Variants in SLC25A48 observed in about 807,000 individuals in gnomAD.
The protein encoded by SLC25A48 is CTC-321K16.1.
In SLC25A48, 29 loss-of-function variants were observed where a neutral mutation model predicts 32.2. That is an observed-to-expected ratio of 0.90 (90% CI 0.67 to 1.23). SLC25A48 has a LOEUF of 1.23. Among genes scored for constraint, SLC25A48 ranks in the 50% most tolerant of loss-of-function variants. The probability of loss-of-function intolerance (pLI) is 0.00; values close to 1 mark genes in which losing one functional copy is unlikely to be tolerated. For synonymous variants in SLC25A48, 164 were observed against 172.3 expected (o/e 0.95, Z 0.38); for missense variants, 399 against 422.7 (o/e 0.94, Z 0.49).
intron 4 of SLC25A48, among the ~76,000 whole-genome samples, chr5:135,856,191 C>G (rs1421784577): frequency 6.6e-6 from 1 of 152,178 alleles, no homozygotes; most frequent in East Asian, 1.9e-4. Context: ...TCCTGAGGCT[C>G]ATGCTCCTTT....
rs192033927 is a variant in SLC25A48 at position 135,777,843 on chromosome 5, G to A, written c.-520-34680G>A. On this transcript the variant is annotated intron_variant, in intron 3 of 10. Transcript: ENST00000646290. ...ATTGCAGGGGCTGTACACCCACACT[G>A]TGATATTGTTCCTAATGCTTAAGGA... Among the ~76,000 whole-genome samples, 13 of 150,894 alleles carry A rather than the reference G, an allele frequency of 8.6e-5. No individual in the cohort carries two copies. In the East Asian group the frequency reaches 2.6e-3, roughly 30 times the overall value.
chr5:135,662,330 A>G (rs1290160637), intron 3 of SLC25A48, among the ~76,000 whole-genome samples: 1 of 152,050 alleles, frequency 6.6e-6, no homozygotes, highest in Non-Finnish European at 1.5e-5. Context: ...AGCAGTATTT[A>G]TTTGTTTAAC....
intron 3 of SLC25A48, among the ~76,000 whole-genome samples, chr5:135,707,982 G>T (rs955707226): frequency 6.6e-6 from 1 of 152,130 alleles, no homozygotes; most frequent in Non-Finnish European, 1.5e-5. Context: ...GCTAGTTGAG[G>T]CCTCAGTGCC....
intron 3 of SLC25A48, among the ~76,000 whole-genome samples, chr5:135,790,539 TAA>T (rs1184999007): frequency 7.0e-6 from 1 of 143,456 alleles, no homozygotes; most frequent in African/African-American, 2.7e-5. Context: ...ATACTAACTG[TAA>T]TTTCCTAGGG....
At chr5:135,862,583 A>G (rs574918469) in intron 4 of SLC25A48, among the ~76,000 whole-genome samples, 37 of 152,320 alleles carry the variant, frequency 2.4e-4, no homozygotes, top group African/African-American at 8.4e-4. Context: ...GTGTGCTTCA[A>G]TGAGAAAGGC....
chr5:135,816,754 C>T (rs1757729733), intron 4 of SLC25A48, among the ~76,000 whole-genome samples: 1 of 152,026 alleles, frequency 6.6e-6, no homozygotes, highest in South Asian at 2.1e-4. Flanking sequence ...AATAAGAAAC[C>T]ACTATTTAAA....
chr5:135,692,996 A>G (rs943523842), intron 3 of SLC25A48, among the ~76,000 whole-genome samples: 1 of 152,216 alleles, frequency 6.6e-6, no homozygotes, highest in Non-Finnish European at 1.5e-5. Flanking sequence ...AGTTAAGATC[A>G]AATTAAATGC....
At chr5:135,760,891 A>C (rs989833326) in intron 3 of SLC25A48, among the ~76,000 whole-genome samples, 2 of 152,184 alleles carry the variant, frequency 1.3e-5, no homozygotes, top group African/African-American at 4.8e-5. Flanking sequence ...AAAAATAAGA[A>C]CCTATGTCAA....
upstream of SLC25A48, chr5:135,834,561 C>G (rs1758336877): frequency 4.4e-6 from 2 of 453,660 alleles, no homozygotes; most frequent in Non-Finnish European, 7.8e-6. Flanking sequence ...ATGACCCTTG[C>G]CTCTTTGTGT....
chr5:135,657,808 C>T (rs188221208), intron 3 of SLC25A48, among the ~76,000 whole-genome samples: 1 of 152,314 alleles, frequency 6.6e-6, no homozygotes, highest in African/African-American at 2.4e-5. Flanking sequence ...ATGAACTGAC[C>T]TCCAGGGACT....
At chr5:135,851,475 G>A (rs747084585) in intron 3 of SLC25A48, among the ~76,000 whole-genome samples, 3 of 152,210 alleles carry the variant, frequency 2.0e-5, no homozygotes, top group Non-Finnish European at 4.4e-5. Flanking sequence ...GACTGCGGGC[G>A]GTTTCTCTGA....
chr5:135,781,049 G>A lies in SLC25A48; in HGVS notation c.-520-31474G>A, dbSNP rs78631970. On this transcript the variant is annotated intron_variant, in intron 3 of 10. Transcript: ENST00000646290. ...TGATGATTCTACTTCCAATATTGCA[G>A]GGGGCGTACACCACCTCTGATATTG... Among the ~76,000 whole-genome samples, 255 of 116,114 alleles carry A rather than the reference G, an allele frequency of 2.2e-3. 51 individuals are homozygous for A. In the East Asian group the frequency reaches 0.051, roughly 23 times the overall value. 76.2% of individuals were successfully genotyped at this position (116,114 alleles called of 152,430 possible).
At chr5:135,612,907 A>G (rs1752105061) in intron 1 of SLC25A48, among the ~76,000 whole-genome samples, 1 of 152,212 alleles carries the variant, frequency 6.6e-6, no homozygotes, top group African/African-American at 2.4e-5. Flanking sequence ...CCTTTGATAT[A>G]CTGATTTCTT....
At chr5:135,619,588 G>A (rs1401940866) in intron 1 of SLC25A48, among the ~76,000 whole-genome samples, 1 of 152,098 alleles carries the variant, frequency 6.6e-6, no homozygotes. Context: ...GTTGATATCT[G>A]CAGATATGGT....
At chr5:135,647,587 G>A (rs1217900669) in intron 3 of SLC25A48, among the ~76,000 whole-genome samples, 6 of 152,132 alleles carry the variant, frequency 3.9e-5, no homozygotes, top group Non-Finnish European at 7.4e-5. Context: ...CCCACCCTCA[G>A]CCCCCAGCCT....
chr5:135,802,185 C>A (rs1757347044), intron 3 of SLC25A48, among the ~76,000 whole-genome samples: 1 of 151,622 alleles, frequency 6.6e-6, no homozygotes, highest in Non-Finnish European at 1.5e-5. Context: ...TATGACTACA[C>A]CCTGTTATAC....
At chr5:135,869,065 T>C (rs1253013552) in intron 4 of SLC25A48, among the ~76,000 whole-genome samples, 2 of 152,208 alleles carry the variant, frequency 1.3e-5, no homozygotes, top group South Asian at 4.1e-4. Context: ...AATGAGCTTA[T>C]TTGCTTATTG....
chr5:135,803,578 A>G (rs1757387771), intron 3 of SLC25A48, among the ~76,000 whole-genome samples: 1 of 151,934 alleles, frequency 6.6e-6, no homozygotes, highest in Non-Finnish European at 1.5e-5. Context: ...TATTTGTAAT[A>G]TTCTAGGGAG....
intron 3 of SLC25A48, among the ~76,000 whole-genome samples, chr5:135,645,233 G>A (rs961739116): frequency 6.6e-5 from 10 of 152,172 alleles, no homozygotes; most frequent in Admixed American, 1.3e-4. Flanking sequence ...GCCACAGCTG[G>A]TTTCCTCCTT....
Sources: gnomAD v4.1 joint callset for allele counts (sites outside exome capture counted in the v4.1 genomes callset) on GRCh38, gnomAD v4.1.1 for gene constraint, MANE v1.5 for transcripts, NCBI Gene and HGNC (gene_info 2026-07-23, HGNC 2026-07-21) for gene names.